Variants in PXYLP1 observed in about 807,000 individuals in gnomAD.
PXYLP1 encodes acid phosphatase-like 2.
A neutral mutation model predicts 37.9 loss-of-function variants in PXYLP1; 17 were observed. The ratio of observed to expected loss-of-function variants is 0.45; its 90% CI spans 0.31 to 0.67. The LOEUF (loss-of-function observed/expected upper bound fraction) is 0.67. Ranked by LOEUF, PXYLP1 falls within the 30% of genes least tolerant of loss-of-function variation. The pLI is 0.07. For synonymous variants in PXYLP1, 221 were observed against 232.2 expected, an observed-to-expected ratio of 0.95 and a Z score of 0.44; for missense variants, 511 against 612.0, an observed-to-expected ratio of 0.84 and a Z score of 1.74.
chr3:141,248,018 G>GTTTTT (rs200024544), intron 1 of PXYLP1, among the ~76,000 whole-genome samples: 4 of 62,378 alleles, frequency 6.4e-5, no homozygotes, highest in Admixed American at 3.3e-4. Flanking sequence ...AAGAGTTTTT[G>GTTTTT]TTTTGTTTTT....
chr3:141,235,468 G>C (rs1165029419), intron 1 of PXYLP1: 1 of 152,392 alleles, frequency 6.6e-6, no homozygotes, highest in African/African-American at 2.4e-5. Context: ...CAGGGAGACA[G>C]GGTACCACTT....
chr3:141,235,375 CTT>C (rs1435800706), intron 1 of PXYLP1: 1 of 152,252 alleles, frequency 6.6e-6, no homozygotes, highest in Non-Finnish European at 1.5e-5. Context: ...TGGGAAGCCA[CTT>C]TACCATGGCT....
intron 1 of PXYLP1, among the ~76,000 whole-genome samples, chr3:141,239,896 T>C (rs1324297256): frequency 6.6e-6 from 1 of 152,220 alleles, no homozygotes; most frequent in Non-Finnish European, 1.5e-5. Flanking sequence ...TCTGTAAAGC[T>C]TTGGCCTTTA....
At chr3:141,277,749 C>T (rs1309217676) in intron 2 of PXYLP1, among the ~76,000 whole-genome samples, 1 of 152,198 alleles carries the variant, frequency 6.6e-6, no homozygotes, top group Admixed American at 6.5e-5. Context: ...GCAAGACCCA[C>T]ACATGCCACG....
intron 2 of PXYLP1, among the ~76,000 whole-genome samples, chr3:141,266,644 A>G (rs190789512): frequency 0.056 from 7,650 of 137,034 alleles, 319 homozygotes; most frequent in East Asian, 0.17. Context: ...AGGGAGAGAC[A>G]GAGGGAGAGA....
chr3:141,264,130 C>G (rs1325696630), intron 2 of PXYLP1, among the ~76,000 whole-genome samples: 4 of 151,298 alleles, frequency 2.6e-5, no homozygotes, highest in Non-Finnish European at 5.9e-5. Context: ...AGAGCAGAGT[C>G]GAAGGAAATG....
At chr3:141,272,705 C>CCACTCCTGGGCTCTCTAGAGG (rs1203970946) in intron 2 of PXYLP1, 1 of 152,122 alleles carries the variant, frequency 6.6e-6, no homozygotes, top group African/African-American at 2.4e-5. Context: ...AACTTGGATC[C>CCACTCCTGGGCTCTCTAGAGG]GATGTTCAAG....
chr3:141,265,961 T>C (rs1941500445), intron 2 of PXYLP1, among the ~76,000 whole-genome samples: 1 of 152,130 alleles, frequency 6.6e-6, no homozygotes, highest in Admixed American at 6.5e-5. Flanking sequence ...GAGGAGTCAC[T>C]GAAGGGCATG....
chr3:141,240,270 C>A (rs1164402358), intron 1 of PXYLP1, among the ~76,000 whole-genome samples: 5 of 152,186 alleles, frequency 3.3e-5, no homozygotes, highest in African/African-American at 1.2e-4. Context: ...GTGGGGCACA[C>A]TGAGGAAGGC....
At position 141,282,637 on chromosome 3, in the gene PXYLP1, A is replaced by G. The variant is rs564879942; in HGVS notation, c.365+3133A>G. Among the ~76,000 whole-genome samples the G allele has an allele frequency of 2.6e-5, 4 of 152,336 alleles. No homozygotes were observed. The South Asian group carries it at 8.3e-4, about 32-fold the overall frequency. On this transcript the variant is annotated intron_variant, in intron 4 of 5. Coordinates refer to ENST00000286353, the MANE Select transcript of PXYLP1 (RefSeq NM_001037172.3). ...AAGTGCTTAGGACAGTGACTGACAT[A>G]TGAGTGGTGGGGTGTGATTAAATGT...
At chr3:141,265,198 C>T (rs1941477930) in intron 2 of PXYLP1, among the ~76,000 whole-genome samples, 1 of 152,162 alleles carries the variant, frequency 6.6e-6, no homozygotes, top group South Asian at 2.1e-4. Flanking sequence ...CTACACTATT[C>T]CTGAGGCTGT....
intron 1 of PXYLP1, among the ~76,000 whole-genome samples, chr3:141,236,580 T>G (rs950822783): frequency 1.3e-5 from 2 of 152,188 alleles, no homozygotes; most frequent in Non-Finnish European, 2.9e-5. Flanking sequence ...CTTACCTCAT[T>G]CTTGGATCTA....
At chr3:141,277,677 G>C (rs1018702504) in intron 2 of PXYLP1, among the ~76,000 whole-genome samples, 2 of 152,200 alleles carry the variant, frequency 1.3e-5, no homozygotes, top group African/African-American at 2.4e-5. Context: ...CTGACCACAC[G>C]TGGTGGTGAA....
chr3:141,248,783 G>GTA (rs202164306), intron 1 of PXYLP1, among the ~76,000 whole-genome samples: 1 of 16,910 alleles, frequency 5.9e-5, no homozygotes, highest in East Asian at 3.6e-3. Context: ...ATATACACAC[G>GTA]TATATATATA....
At chr3:141,274,126 AGGAGCAGTGTCCT>A (rs1941732713) in intron 2 of PXYLP1, 1 of 999,516 alleles carries the variant, frequency 1.0e-6, no homozygotes, top group Non-Finnish European at 1.2e-6. Flanking sequence ...GCCTGCTGGG[AGGAGCAGTGTCCT>A]GGAGCAGTGT....
At chr3:141,268,044 C>T (rs1469089615) in intron 2 of PXYLP1, among the ~76,000 whole-genome samples, 1 of 152,098 alleles carries the variant, frequency 6.6e-6, no homozygotes, top group Non-Finnish European at 1.5e-5. Context: ...GAGAAGGCAA[C>T]CAACGTGTAC....
chr3:141,237,134 G>A (rs1940678069), intron 1 of PXYLP1, among the ~76,000 whole-genome samples: 1 of 152,192 alleles, frequency 6.6e-6, no homozygotes, highest in Non-Finnish European at 1.5e-5. Flanking sequence ...GAAATACTAT[G>A]TAAACCTGGA....
intron 1 of PXYLP1, among the ~76,000 whole-genome samples, chr3:141,259,084 G>C (rs935590201): frequency 1.2e-4 from 18 of 152,328 alleles, no homozygotes; most frequent in Admixed American, 5.9e-4. Context: ...TCGTAGTACA[G>C]CTTATTGAGA....
intron 2 of PXYLP1, chr3:141,272,962 C>A (rs958585194): frequency 9.2e-6 from 9 of 982,518 alleles, no homozygotes; most frequent in Non-Finnish European, 1.1e-5. Context: ...AAGTGGACAC[C>A]CAGTATTAAC....
Sources: allele counts gnomAD v4.1 joint callset (sites outside exome capture counted in the v4.1 genomes callset), GRCh38; gene constraint gnomAD v4.1.1; transcripts MANE v1.5; gene names NCBI Gene and HGNC (gene_info 2026-07-23, HGNC 2026-07-21).